Variants in ASCC3 observed in about 807,000 individuals in gnomAD.
The protein encoded by ASCC3 is ASC-1 complex subunit P200.
ASCC3 carries 158 observed loss-of-function variants against 256.3 expected under a neutral mutation model. The observed-to-expected ratio is 0.62, with a 90% CI of 0.54 to 0.70. The LOEUF (loss-of-function observed/expected upper bound fraction) is 0.70. Among genes scored for constraint, ASCC3 ranks in the 30% least tolerant of loss-of-function variants. The probability of loss-of-function intolerance (pLI) is 0.00; values close to 1 mark genes in which losing one functional copy is unlikely to be tolerated. For synonymous variants in ASCC3, 948 were observed against 883.4 expected (o/e 1.07, Z -1.30); for missense variants, 2,259 against 2,626.0 (o/e 0.86, Z 3.05).
chr6:100,512,785 T>C lies in ASCC3; in HGVS notation c.6209A>G (p.Lys2070Arg), dbSNP rs1431800910. The C allele has an allele frequency of 1.2e-6, 2 of 1,614,038 alleles. No individual in the cohort carries two copies. Among genetic ancestry groups the C allele is most frequent in the African/African-American group, 2.7e-5 (2 of 74,924 alleles). The change falls in exon 40 of 42, where the codon AAA becomes AGA. Residue 2070 changes from lysine (K) to arginine (R), a missense_variant. Lys to Arg is a conservative substitution (Grantham distance 26). This residue lies in a region of ASCC3 where 1,839 missense variants were observed against 2,206.7 expected (regional missense o/e 0.83). Coordinates refer to ENST00000369162, the MANE Select transcript of ASCC3 (RefSeq NM_006828.4). Reference protein sequence around the residue: ...TLTADKRDDNKWIKLHADQEY... With the variant: ...TLTADKRDDNRWIKLHADQEY... ...TTGGTCAGCATGCAATTTGATCCAT[T>C]TGTTGTCATCTCGTTTGTCTGCAGT...
In ASCC3 at chr6:100,603,222, A is replaced by T. The variant is rs115310453; in HGVS notation, c.5178-1287T>A. On this transcript the variant is annotated intron_variant, in intron 33 of 41. Transcript: ENST00000369162. Reference sequence around the variant, plus strand: ...TGTAATACATAAAATAATAACGGTCATATCAAGGTACAAAACCAAAAAAAA... The same window carrying T: ...TGTAATACATAAAATAATAACGGTCTTATCAAGGTACAAAACCAAAAAAAA... Among the ~76,000 whole-genome samples the T allele has an allele frequency of 2.0e-3, 299 of 152,096 alleles. 1 individual carries two copies. Among genetic ancestry groups the T allele is most frequent in the African/African-American group, 7.0e-3 (291 of 41,476 alleles).
At chr6:100,681,340 A>T (rs952143656) in intron 13 of ASCC3, among the ~76,000 whole-genome samples, 3 of 152,206 alleles carry the variant, frequency 2.0e-5, no homozygotes, top group Non-Finnish European at 4.4e-5. Flanking sequence ...TCAGCTAATT[A>T]GTTACCAAGG....
chr6:100,857,136 G>A (rs1434652041), intron 3 of ASCC3: 1 of 152,062 alleles, frequency 6.6e-6, no homozygotes, highest in East Asian at 1.9e-4. Context: ...TAATGGGCAT[G>A]CAGTGGCATA....
chr6:100,776,531 G>A (rs934641947), intron 8 of ASCC3, among the ~76,000 whole-genome samples: 1 of 151,890 alleles, frequency 6.6e-6, no homozygotes, highest in African/African-American at 2.4e-5. Flanking sequence ...TTACATATTT[G>A]GGACTCACTA....
At chr6:100,549,447 T>TCA (rs1263077296) in intron 36 of ASCC3, among the ~76,000 whole-genome samples, 1 of 152,016 alleles carries the variant, frequency 6.6e-6, no homozygotes. Context: ...ACCCTGTGTG[T>TCA]CACCTTGGTT....
chr6:100,621,881 A>G (rs539220271), intron 30 of ASCC3, among the ~76,000 whole-genome samples: 1 of 152,344 alleles, frequency 6.6e-6, no homozygotes, highest in East Asian at 1.9e-4. Context: ...AATGTGGTAC[A>G]TATATACCAT....
intron 11 of ASCC3, among the ~76,000 whole-genome samples, chr6:100,725,115 A>C (rs1779563334): frequency 6.6e-6 from 1 of 152,052 alleles, no homozygotes; most frequent in South Asian, 2.1e-4. Flanking sequence ...GAAGAAAATA[A>C]AGGCAAGAGA....
In ASCC3 at chr6:100,732,165, C is replaced by CAA. The variant is rs386408063; in HGVS notation, c.1738-6464_1738-6463dup. On this transcript the variant is annotated intron_variant, in intron 10 of 41. Transcript: ENST00000369162. ...AACAAAGCGAGACTCCGTCTCAAAA[C>CAA]AAAAAAAAAAAAAAAAAGAAGAAGA... is the stretch of plus-strand genomic sequence containing the variant. Among the ~76,000 whole-genome samples, 863 of 105,060 alleles carry CAA rather than the reference C, an allele frequency of 8.2e-3. 9 individuals carry two copies. The highest frequency in any genetic ancestry group is 0.014 in the Middle Eastern group (3 of 214). 68.9% of individuals were successfully genotyped at this position (105,060 alleles called of 152,430 possible).
intron 3 of ASCC3, among the ~76,000 whole-genome samples, chr6:100,860,355 T>G (rs1187112229): frequency 1.3e-5 from 2 of 151,972 alleles, no homozygotes; most frequent in Admixed American, 1.3e-4. Flanking sequence ...AAACTAAATT[T>G]TATTATTAAA....
At chr6:100,766,878 T>C (rs895130465) in intron 9 of ASCC3, among the ~76,000 whole-genome samples, 173 bp from the exon 10 acceptor site, 1 of 152,236 alleles carries the variant, frequency 6.6e-6, no homozygotes, top group Non-Finnish European at 1.5e-5. Flanking sequence ...TGTGTGTAGC[T>C]GTTTAAAGGA....
rs753957600 is a variant in ASCC3, at chr6:100,512,646, T to C, written c.6285+63A>G. On this transcript the variant is annotated intron_variant, in intron 40 of 41. Transcript: ENST00000369162. ...GGGCACATTAGTCACATAACAGATA[T>C]GTGTGGTGGTGCATGCTGGTATTTG... is the stretch of plus-strand genomic sequence containing the variant. The C allele has an allele frequency of 2.0e-5, 29 of 1,472,356 alleles. 1 individual carries two copies. Among genetic ancestry groups the C allele is most frequent in the South Asian group, 1.5e-4 (13 of 87,750 alleles). The allele number at this position is 1,472,356 out of a possible 1,614,324, so 91.2% of individuals were successfully genotyped here.
At chr6:100,584,310 C>T (rs1171430170) in intron 36 of ASCC3, among the ~76,000 whole-genome samples, 1 of 151,560 alleles carries the variant, frequency 6.6e-6, no homozygotes, top group Non-Finnish European at 1.5e-5. Flanking sequence ...GTTAGCTCTT[C>T]TTGTTGAATT....
intron 4 of ASCC3, among the ~76,000 whole-genome samples, chr6:100,812,579 A>G (rs191693591): frequency 6.6e-6 from 1 of 152,320 alleles, no homozygotes; most frequent in African/African-American, 2.4e-5. Flanking sequence ...GTAGAGTCAA[A>G]CTGTCAGAAG....
At chr6:100,622,639 T>A (rs1405092701) in intron 30 of ASCC3, among the ~76,000 whole-genome samples, 1 of 151,590 alleles carries the variant, frequency 6.6e-6, no homozygotes, top group Admixed American at 6.6e-5. Flanking sequence ...AAGAAAAAAA[T>A]ATAAAAATAA....
intron 36 of ASCC3, 78 bp downstream of exon 36, chr6:100,589,556 A>C (rs759755768): frequency 1.7e-5 from 26 of 1,568,588 alleles, no homozygotes; most frequent in Non-Finnish European, 2.3e-5. Flanking sequence ...GGTTTCTGTT[A>C]AATTTCAAGA....
chr6:100,646,349 G>A (rs562943888), intron 22 of ASCC3, among the ~76,000 whole-genome samples: 20 of 151,728 alleles, frequency 1.3e-4, no homozygotes, highest in African/African-American at 2.7e-4. Context: ...TCGCTCTGTC[G>A]CCCAGGCTGG....
intron 23 of ASCC3, 125 bp downstream of exon 23, chr6:100,643,906 G>A (rs1432173694): frequency 1.5e-6 from 1 of 660,282 alleles, no homozygotes; most frequent in Non-Finnish European, 2.5e-6. Flanking sequence ...AAAACTAATA[G>A]GAAACTAAAA....
chr6:100,699,802 G>A (rs912398805), intron 13 of ASCC3, among the ~76,000 whole-genome samples: 17 of 152,126 alleles, frequency 1.1e-4, no homozygotes, highest in Non-Finnish European at 2.4e-4. Flanking sequence ...AGAGACTGGC[G>A]GCATTTTGCC....
intron 6 of ASCC3, 136 bp from the exon 7 acceptor site, chr6:100,799,708 AT>A (rs1769818731): frequency 2.2e-6 from 2 of 896,838 alleles, no homozygotes; most frequent in Middle Eastern, 2.7e-4. Flanking sequence ...ACAAAGGAAG[AT>A]TTTAGGAATC....
Sources: gnomAD v4.1 joint callset for allele counts (sites outside exome capture counted in the v4.1 genomes callset) on GRCh38, gnomAD v4.1.1 for gene constraint, gnomAD v4.1.1 regional missense constraint, MANE v1.5 for transcripts, NCBI Gene and HGNC (gene_info 2026-07-23, HGNC 2026-07-21) for gene names.